The following SNTG1 variants were observed in gnomAD, a reference collection of about 807,000 sequenced individuals.
SNTG1 encodes the protein gamma-1-syntrophin.
A neutral mutation model predicts 74.7 loss-of-function variants in SNTG1; 39 were observed. The observed-to-expected ratio is 0.52, with a 90% CI of 0.40 to 0.68. SNTG1 has a LOEUF of 0.68. Among genes scored for constraint, SNTG1 ranks in the 30% least tolerant of loss-of-function variants. SNTG1 has a pLI of 0.00. For synonymous variants in SNTG1, 254 were observed against 217.1 expected (o/e 1.17, Z -1.49); for missense variants, 685 against 609.5 (o/e 1.12, Z -1.30).
rs566426000 is a variant in SNTG1, at chr8:50,402,791, G to A, written c.162+447G>A. 5.3e-5 allele frequency among the ~76,000 whole-genome samples: 8 copies of A among 152,292 alleles called. 1 individual carries two copies. The highest frequency in any genetic ancestry group is 1.9e-4 in the African/African-American group (8 of 41,568). On this transcript the variant is annotated intron_variant, in intron 4 of 18. Transcript: ENST00000642720. ...GGTCACTGAACTCAGCGTGAGTGGTGTTCCCCTAGGATAGTGTCTAAATGA... is the reference window on the plus strand; with the variant it reads ...GGTCACTGAACTCAGCGTGAGTGGTATTCCCCTAGGATAGTGTCTAAATGA...
chr8:50,268,405 A>G (rs762986894), intron 2 of SNTG1, among the ~76,000 whole-genome samples: 12 of 152,292 alleles, frequency 7.9e-5, no homozygotes, highest in Middle Eastern at 3.4e-3. Context: ...TAGACATAAG[A>G]AAGACATATT....
chr8:50,146,651 T>C (rs990175721), intron 1 of SNTG1, among the ~76,000 whole-genome samples: 3 of 152,204 alleles, frequency 2.0e-5, no homozygotes, highest in Admixed American at 1.3e-4. Context: ...TATGTCGTAT[T>C]GCAACCAATT....
intron 1 of SNTG1, among the ~76,000 whole-genome samples, chr8:49,967,684 T>C (rs1323587125): frequency 6.6e-6 from 1 of 152,204 alleles, no homozygotes; most frequent in Non-Finnish European, 1.5e-5. Flanking sequence ...ACCCTTTCTC[T>C]GAAATAGCTT....
chr8:50,372,196 T>C (rs2092284411), intron 2 of SNTG1, among the ~76,000 whole-genome samples: 1 of 151,708 alleles, frequency 6.6e-6, no homozygotes, highest in Non-Finnish European at 1.5e-5. Context: ...TGCTTTCATT[T>C]GTGTTTCATT....
intron 1 of SNTG1, among the ~76,000 whole-genome samples, chr8:49,922,386 AG>A (rs1806630537): frequency 6.6e-6 from 1 of 152,156 alleles, no homozygotes; most frequent in African/African-American, 2.4e-5. Context: ...TGCACTAAAA[AG>A]CTCCTCAGTA....
chr8:50,306,859 T>C (rs2089919723), intron 2 of SNTG1, among the ~76,000 whole-genome samples: 1 of 152,064 alleles, frequency 6.6e-6, no homozygotes, highest in East Asian at 1.9e-4. Context: ...TATGATTATT[T>C]CTTTTGCCAT....
chr8:50,651,700 A>G lies in SNTG1; in HGVS notation c.850-5209A>G, dbSNP rs1384950363. Among the ~76,000 whole-genome samples, 6 of 151,230 alleles carry G rather than the reference A, an allele frequency of 4.0e-5. No individual in the cohort carries two copies. In the South Asian group the frequency reaches 1.3e-3, roughly 32 times the overall value. ...TCAAACTCCTGACCTCAGGTGATCC[A>G]CCCACCTCGGCCTCCCAAAGTGCTG... On this transcript the variant is annotated intron_variant, in intron 13 of 18. Coordinates refer to ENST00000642720, the MANE Select transcript of SNTG1 (RefSeq NM_018967.5).
At chr8:49,927,055 C>CA (rs956215510) in intron 1 of SNTG1, among the ~76,000 whole-genome samples, 37 of 151,964 alleles carry the variant, frequency 2.4e-4, no homozygotes, top group African/African-American at 8.5e-4. Context: ...CACTGCACAA[C>CA]AAAAAAATTA....
At chr8:50,299,911 T>C (rs1156601809) in intron 2 of SNTG1, among the ~76,000 whole-genome samples, 1 of 152,176 alleles carries the variant, frequency 6.6e-6, no homozygotes, top group African/African-American at 2.4e-5. Flanking sequence ...CTAAATGCTT[T>C]CAACTTTATC....
At chr8:50,074,623 T>C (rs1821663535) in intron 1 of SNTG1, among the ~76,000 whole-genome samples, 2 of 152,224 alleles carry the variant, frequency 1.3e-5, no homozygotes, top group South Asian at 2.1e-4. Context: ...TAAAGATAAC[T>C]GGTAACAGAT....
chr8:50,590,155 T>C (rs2094682614), intron 12 of SNTG1, among the ~76,000 whole-genome samples: 1 of 152,168 alleles, frequency 6.6e-6, no homozygotes, highest in Admixed American at 6.5e-5. Context: ...ATAGTCTGCA[T>C]TACTTCTGCT....
At chr8:50,212,981 C>T (rs2084595251) in intron 2 of SNTG1, among the ~76,000 whole-genome samples, 1 of 152,200 alleles carries the variant, frequency 6.6e-6, no homozygotes, top group South Asian at 2.1e-4. Context: ...AATGATGCCT[C>T]TCCCAATAAA....
intron 2 of SNTG1, among the ~76,000 whole-genome samples, chr8:50,186,083 T>G (rs1216200106): frequency 6.6e-6 from 1 of 152,046 alleles, no homozygotes; most frequent in Non-Finnish European, 1.5e-5. Flanking sequence ...CACTTAGGAG[T>G]GAGAACATGC....
chr8:50,392,741 GA>G (rs1160339644), intron 2 of SNTG1, among the ~76,000 whole-genome samples: 1 of 152,030 alleles, frequency 6.6e-6, no homozygotes, highest in Non-Finnish European at 1.5e-5. Context: ...GATTAGAATT[GA>G]AAAAAGGAAG....
At chr8:50,630,920 G>T (rs1047120811) in intron 13 of SNTG1, among the ~76,000 whole-genome samples, 1 of 152,142 alleles carries the variant, frequency 6.6e-6, no homozygotes, top group African/African-American at 2.4e-5. Context: ...AGATACATCC[G>T]AAACGTCTCT....
intron 2 of SNTG1, among the ~76,000 whole-genome samples, chr8:50,186,852 A>G (rs1326099055): frequency 6.6e-6 from 1 of 152,022 alleles, no homozygotes; most frequent in Non-Finnish European, 1.5e-5. Context: ...GTTCACTCTG[A>G]TGCTGGTTTC....
chr8:49,943,954 C>T (rs1188139202), intron 1 of SNTG1, among the ~76,000 whole-genome samples: 1 of 151,992 alleles, frequency 6.6e-6, no homozygotes, highest in East Asian at 1.9e-4. Flanking sequence ...AAAATTTAAT[C>T]TCATTATAGT....
intron 12 of SNTG1, among the ~76,000 whole-genome samples, chr8:50,570,929 C>A (rs1292857099): frequency 6.6e-6 from 1 of 151,892 alleles, no homozygotes; most frequent in Non-Finnish European, 1.5e-5. Flanking sequence ...TTTGAAGAAC[C>A]TCCACACAGT....
chr8:50,264,937 A>G (rs867830801), intron 2 of SNTG1, among the ~76,000 whole-genome samples: 2 of 152,108 alleles, frequency 1.3e-5, no homozygotes, highest in Non-Finnish European at 2.9e-5. Flanking sequence ...TCATTAAGAA[A>G]TACAAAACTA....
Sources: allele counts gnomAD v4.1 joint callset (sites outside exome capture counted in the v4.1 genomes callset), GRCh38; gene constraint gnomAD v4.1.1; transcripts MANE v1.5; gene names NCBI Gene and HGNC (gene_info 2026-07-23, HGNC 2026-07-21).